Variants in STARD10 observed in about 807,000 individuals in gnomAD.
The protein encoded by STARD10 is StAR related lipid transfer domain containing 10.
Under a neutral mutation model 36.0 loss-of-function variants are expected in STARD10, and 24 were observed. The ratio of observed to expected loss-of-function variants is 0.67; its 90% confidence interval spans 0.48 to 0.94. STARD10 has a LOEUF of 0.94. Ranked by LOEUF, STARD10 falls within the 40% of genes least tolerant of loss-of-function variation. The pLI is 0.00. For synonymous variants in STARD10, 156 were observed against 161.9 expected (o/e 0.96, Z 0.28); for missense variants, 335 against 396.6 (o/e 0.84, Z 1.32).
chr11:72,770,488 G>T (rs1858841228), intron 2 of STARD10, among the ~76,000 whole-genome samples: 1 of 152,184 alleles, frequency 6.6e-6, no homozygotes, highest in Non-Finnish European at 1.5e-5. Flanking sequence ...AAAGTGTTAG[G>T]ATTACAGGCG....
intron 6 of STARD10, 181 bp downstream of exon 6, chr11:72,755,520 A>G (rs766901787): frequency 2.6e-5 from 18 of 704,804 alleles, no homozygotes; most frequent in East Asian, 6.0e-5. Flanking sequence ...CATGTTGGCC[A>G]GGCTGGTCTT....
intron 2 of STARD10, among the ~76,000 whole-genome samples, chr11:72,768,342 C>G (rs1858817624): frequency 6.6e-6 from 1 of 152,188 alleles, no homozygotes. Context: ...CTGAGGCCCC[C>G]ACAAGGCAAG....
Position 72,758,524 on chromosome 11 carries a change from A to C in STARD10, c.459+6T>G, listed in dbSNP as rs1239924251. 6.2e-7 allele frequency: 1 copy of C among 1,612,344 alleles called. No homozygotes were observed. The highest frequency in any genetic ancestry group is 2.2e-5 in the East Asian group (1 of 44,874). On this transcript the variant is annotated splice_donor_region_variant and intron_variant, in intron 4 of 6. Transcript: ENST00000334805. ...GCTCCACCGCAGGGAAGGCAGGTTG[A>C]CTCACGGGATGTTTGACTGAGTAGT...
intron 2 of STARD10, among the ~76,000 whole-genome samples, chr11:72,768,000 C>G (rs975758675): frequency 1.3e-5 from 2 of 152,182 alleles, no homozygotes; most frequent in Admixed American, 1.3e-4. Flanking sequence ...CCACTAACCC[C>G]CAAAGGACAG....
intron 1 of STARD10, among the ~76,000 whole-genome samples, chr11:72,784,230 A>C (rs1044081823): frequency 9.9e-5 from 15 of 152,162 alleles, no homozygotes; most frequent in African/African-American, 3.6e-4. Flanking sequence ...AGAGCAGAAG[A>C]ATGAGCCCAG....
At position 72,781,884 on chromosome 11, in the gene STARD10, T is replaced by G. The variant is rs1417345921; in HGVS notation, c.-113-590A>C. 2.0e-5 allele frequency: 3 copies of G among 150,786 alleles called. No individual in the cohort carries two copies. The highest frequency in any genetic ancestry group is 3.0e-5 in the Non-Finnish European group (2 of 67,484). 9.3% of individuals were successfully genotyped at this position (150,786 alleles called of 1,614,324 possible). A position where few individuals can be genotyped will look rare whatever the true frequency, so the allele number is the denominator to read the frequency against. ...GGCCGCGGCTCGGGATTTTCCAGGCTGCGGAGGTGAAGCTGACGGATCTCC... is the reference window on the plus strand; with the variant it reads ...GGCCGCGGCTCGGGATTTTCCAGGCGGCGGAGGTGAAGCTGACGGATCTCC... On this transcript the variant is annotated intron_variant, in intron 1 of 6. Transcript: ENST00000334805. The surrounding 1 kb of genome is among the most constrained non-coding windows in gnomAD (Gnocchi z 4.7).
chr11:72,773,286 C>T (rs1390276093), intron 2 of STARD10, among the ~76,000 whole-genome samples: 2 of 152,212 alleles, frequency 1.3e-5, no homozygotes, highest in Non-Finnish European at 2.9e-5. Context: ...GAGGTGGCTG[C>T]ACCCCTCTTG....
intron 1 of STARD10, among the ~76,000 whole-genome samples, chr11:72,788,947 T>G (rs1308809417): frequency 6.6e-6 from 1 of 152,186 alleles, no homozygotes; most frequent in Non-Finnish European, 1.5e-5. Flanking sequence ...CCTTGAAATC[T>G]GGGACTCAAG....
intron 2 of STARD10, 151 bp downstream of exon 2, chr11:72,780,824 G>A (rs1469747968): frequency 2.5e-6 from 2 of 812,046 alleles, no homozygotes; most frequent in Non-Finnish European, 4.0e-6. Context: ...GCTTGGCCCA[G>A]CAGACTGTGT....
intron 2 of STARD10, among the ~76,000 whole-genome samples, chr11:72,777,853 C>G (rs1271076028): frequency 6.6e-6 from 1 of 152,236 alleles, no homozygotes; most frequent in Non-Finnish European, 1.5e-5. Context: ...GTCCCACCCC[C>G]ACCCTGGGAT....
chr11:72,769,962 C>T (rs1858836673), intron 2 of STARD10, among the ~76,000 whole-genome samples: 1 of 152,082 alleles, frequency 6.6e-6, no homozygotes, highest in African/African-American at 2.4e-5. Flanking sequence ...AATGTTCCTG[C>T]ATTAATAATT....
intron 3 of STARD10, 111 bp from the exon 4 acceptor site, chr11:72,758,744 G>A (rs1276477082): frequency 6.9e-6 from 5 of 724,478 alleles, no homozygotes; most frequent in Non-Finnish European, 1.2e-5. Flanking sequence ...CAGCTCTCCA[G>A]TGCAAAGATA....
At position 72,758,647 on chromosome 11, in the gene STARD10, G is replaced by C. The variant is rs1462995885; in HGVS notation, c.356-14C>G. 1.3e-6 allele frequency: 2 copies of C among 1,599,996 alleles called. No homozygotes were observed. The highest frequency in any genetic ancestry group is 2.2e-5 in the South Asian group (2 of 90,360). ...TGGGACACCTCCCTGTGGGGGGCAA[G>C]GGACAGTTCAGCCAGACCACTGGTC... On this transcript the variant is annotated splice_polypyrimidine_tract_variant and intron_variant, in intron 3 of 6. Transcript: ENST00000334805.
chr11:72,780,920 G>C, intron 2 of STARD10, 55 bp downstream of exon 2: 1 of 1,573,000 alleles, frequency 6.4e-7, no homozygotes, highest in Non-Finnish European at 8.8e-7. Context: ...AGGAGACTCC[G>C]GGAGAGAGGC....
At chr11:72,762,138 C>T (rs1858726581) in intron 2 of STARD10, among the ~76,000 whole-genome samples, 1 of 151,854 alleles carries the variant, frequency 6.6e-6, no homozygotes, top group Middle Eastern at 3.4e-3. Flanking sequence ...GTTGGCCAGG[C>T]TGGTCTCAAA....
chr11:72,788,453 C>A (rs1343497976), intron 1 of STARD10, among the ~76,000 whole-genome samples: 1 of 152,160 alleles, frequency 6.6e-6, no homozygotes, highest in East Asian at 1.9e-4. Context: ...GTGGCTGTGT[C>A]GCACTGCAAG....
At chr11:72,769,679 A>T (rs1858833455) in intron 2 of STARD10, among the ~76,000 whole-genome samples, 1 of 152,222 alleles carries the variant, frequency 6.6e-6, no homozygotes, top group Non-Finnish European at 1.5e-5. Flanking sequence ...CCAGAATCCC[A>T]GGACTACAAA....
rs923361272 is a variant in STARD10 at position 72,754,761 on chromosome 11, C to G, written c.*136G>C. The G allele has an allele frequency of 2.7e-5, 36 of 1,333,170 alleles. No homozygotes were observed. The highest frequency in any genetic ancestry group is 3.7e-5 in the Non-Finnish European group (36 of 968,042). 82.6% of individuals were successfully genotyped at this position (1,333,170 alleles called of 1,614,324 possible). A position where few individuals can be genotyped will look rare whatever the true frequency, so the allele number is the denominator to read the frequency against. Reference sequence around the variant, plus strand: ...GTGGGATCGTTTATTGGGGCTCTGTCCAGCCAGGCTGCAGCACCCGCCTGG... The same window carrying G: ...GTGGGATCGTTTATTGGGGCTCTGTGCAGCCAGGCTGCAGCACCCGCCTGG... On this transcript the variant is annotated 3_prime_UTR_variant, in exon 7 of 7. Transcript: ENST00000334805.
intron 2 of STARD10, chr11:72,780,322 T>G: frequency 2.5e-6 from 1 of 396,818 alleles, no homozygotes; most frequent in South Asian, 1.7e-5. Context: ...CTGCTCCCTA[T>G]GTTGGCTTCC....
Sources: allele counts gnomAD v4.1 joint callset (sites outside exome capture counted in the v4.1 genomes callset), GRCh38; gene constraint gnomAD v4.1.1; non-coding constraint Gnocchi (gnomAD v3.1); transcripts MANE v1.5; gene names NCBI Gene and HGNC (gene_info 2026-07-23, HGNC 2026-07-21).